WDR7: variants seen among roughly 807,000 people sequenced by gnomAD.
The protein encoded by WDR7 is WD repeat-containing protein 7.
In WDR7, 46 loss-of-function variants were observed where a neutral mutation model predicts 169.4. The ratio of observed to expected loss-of-function variants is 0.27; its 90% CI spans 0.21 to 0.35. The LOEUF is 0.35. WDR7 is among the 10% of genes least tolerant of loss of function. The pLI, the probability that WDR7 is intolerant of heterozygous loss-of-function variation, is 1.00. For missense variants in WDR7, 1,534 were observed against 1,859.3 expected, an observed-to-expected ratio of 0.83 and a Z score of 3.22; for synonymous variants, 612 against 666.8, an observed-to-expected ratio of 0.92 and a Z score of 1.27.
intron 3 of WDR7, 139 bp downstream of exon 3, chr18:56,679,577 G>T: frequency 2.1e-6 from 1 of 473,396 alleles, no homozygotes; most frequent in East Asian, 3.3e-5. Context: ...TCTAAATGTA[G>T]ATATTTAAAA....
At chr18:56,839,562 G>T (rs2045448859) in intron 20 of WDR7, among the ~76,000 whole-genome samples, 1 of 152,116 alleles carries the variant, frequency 6.6e-6, no homozygotes, top group Non-Finnish European at 1.5e-5. Context: ...AAACTCTATA[G>T]TATTAGCCAA....
intron 12 of WDR7, among the ~76,000 whole-genome samples, chr18:56,712,850 T>G (rs1361086477): frequency 6.6e-6 from 1 of 152,136 alleles, no homozygotes; most frequent in Non-Finnish European, 1.5e-5. Flanking sequence ...TCTTAGAACT[T>G]TTACTTACTT....
intron 20 of WDR7, among the ~76,000 whole-genome samples, chr18:56,861,092 C>CATCAATT (rs2045797745): frequency 6.6e-6 from 1 of 150,384 alleles, no homozygotes; most frequent in Non-Finnish European, 1.5e-5. Context: ...TTGTAAAATA[C>CATCAATT]ATCAATTACG....
chr18:56,799,083 G>A (rs1252694394), intron 19 of WDR7, among the ~76,000 whole-genome samples: 2 of 152,086 alleles, frequency 1.3e-5, no homozygotes, highest in Non-Finnish European at 2.9e-5. Flanking sequence ...TAGTGTATTA[G>A]GAAGGCAGGT....
intron 2 of WDR7, among the ~76,000 whole-genome samples, chr18:56,673,688 A>G (rs1034561072): frequency 5.3e-5 from 8 of 151,970 alleles, no homozygotes; most frequent in Non-Finnish European, 1.2e-4. Context: ...ACAAAAAACT[A>G]GCCGGACGTG....
chr18:56,826,622 C>T (rs2045208804), intron 20 of WDR7, among the ~76,000 whole-genome samples: 1 of 152,114 alleles, frequency 6.6e-6, no homozygotes, highest in Non-Finnish European at 1.5e-5. Context: ...ACGTGACATA[C>T]TAGAAAGAGG....
intron 26 of WDR7, among the ~76,000 whole-genome samples, chr18:56,998,851 A>T (rs1302805807): frequency 1.3e-5 from 2 of 152,206 alleles, no homozygotes; most frequent in Non-Finnish European, 2.9e-5. Flanking sequence ...GAGAGCATAT[A>T]TTTTAAAAAT....
chr18:56,858,094 C>T (rs1029598141), intron 20 of WDR7, among the ~76,000 whole-genome samples: 2 of 152,168 alleles, frequency 1.3e-5, no homozygotes, highest in African/African-American at 4.8e-5. Context: ...TTACTTTCAG[C>T]TGCTTGCTAG....
At chr18:56,806,413 G>A (rs917875795) in intron 19 of WDR7, among the ~76,000 whole-genome samples, 5 of 152,136 alleles carry the variant, frequency 3.3e-5, no homozygotes, top group South Asian at 2.1e-4. Context: ...TTAGAAAAGC[G>A]GTATCCTTTC....
chr18:56,775,909 A>C (rs1287118713), intron 16 of WDR7, among the ~76,000 whole-genome samples: 1 of 152,182 alleles, frequency 6.6e-6, no homozygotes, highest in Non-Finnish European at 1.5e-5. Flanking sequence ...AAGAAAGGAG[A>C]GGGATTAATT....
At chr18:56,939,236 G>A (rs1424232702) in intron 24 of WDR7, 75 bp from the exon 25 acceptor site, 5 of 1,093,406 alleles carry the variant, frequency 4.6e-6, no homozygotes, top group South Asian at 3.6e-5. Flanking sequence ...GGCAAATGAG[G>A]CCTAAATTAA....
chr18:56,802,204 A>G (rs1164135404), intron 19 of WDR7, among the ~76,000 whole-genome samples: 5 of 152,162 alleles, frequency 3.3e-5, no homozygotes. Flanking sequence ...TTCCTTAATG[A>G]CTAATAATGT....
chr18:56,864,970 T>A (rs1315060555), intron 20 of WDR7, among the ~76,000 whole-genome samples: 1 of 152,052 alleles, frequency 6.6e-6, no homozygotes, highest in Non-Finnish European at 1.5e-5. Flanking sequence ...TATGCCATGT[T>A]ATCCAAACAA....
At chr18:56,691,500 T>C (rs1405313269) in intron 8 of WDR7, 139 bp downstream of exon 8, 1 of 1,120,076 alleles carries the variant, frequency 8.9e-7, no homozygotes, top group African/African-American at 1.6e-5. Flanking sequence ...TAAGTTAGAT[T>C]TTTAATTCCA....
chr18:56,672,597 A>G lies in WDR7; in HGVS notation c.82A>G (p.Thr28Ala). 1.2e-6 allele frequency: 2 copies of G among 1,613,678 alleles called. No homozygotes were observed. The highest frequency in any genetic ancestry group is 1.7e-6 in the Non-Finnish European group (2 of 1,179,754). Residue 28 changes from threonine to alanine, a missense_variant, in exon 2 of 28, where the codon ACA (threonine) becomes GCA (alanine). Physicochemically the swap from Thr to Ala is moderately conservative, Grantham distance 58 (BLOSUM62 0). Coordinates refer to ENST00000254442, the MANE Select transcript of WDR7 (RefSeq NM_015285.3). The stretch of plus-strand genomic sequence containing the variant: ...ACATTGCATCTCAGCCGTACTTTTA[A>G]CAGATGATGGGGCCACGATCGTAAC... ...PTHCISAVLL[T>A]DDGATIVTGC...
chr18:56,885,208 AAT>A (rs2046169757), intron 21 of WDR7, among the ~76,000 whole-genome samples: 1 of 152,146 alleles, frequency 6.6e-6, no homozygotes, highest in Non-Finnish European at 1.5e-5. Flanking sequence ...CAATTCTGGT[AAT>A]ATGACAAAAC....
intron 12 of WDR7, among the ~76,000 whole-genome samples, chr18:56,705,472 A>G (rs1598976424): frequency 6.6e-6 from 1 of 152,182 alleles, no homozygotes; most frequent in African/African-American, 2.4e-5. Context: ...GAAGGTCAAT[A>G]TATATGATAT....
intron 21 of WDR7, among the ~76,000 whole-genome samples, chr18:56,901,209 G>T (rs1233214861): frequency 6.6e-6 from 1 of 152,054 alleles, no homozygotes; most frequent in African/African-American, 2.4e-5. Flanking sequence ...ACACCAGTGT[G>T]GGCATAGCAA....
At chr18:56,895,669 A>G (rs568479542) in intron 21 of WDR7, among the ~76,000 whole-genome samples, 1 of 152,014 alleles carries the variant, frequency 6.6e-6, no homozygotes, top group East Asian at 1.9e-4. Flanking sequence ...GTATCAAAAC[A>G]TCACATGTAC....
Sources: gnomAD v4.1 joint callset for allele counts (sites outside exome capture counted in the v4.1 genomes callset) on GRCh38, gnomAD v4.1.1 for gene constraint, MANE v1.5 for transcripts, NCBI Gene and HGNC (gene_info 2026-07-23, HGNC 2026-07-21) for gene names.